ZNF521: variants seen among roughly 807,000 people sequenced by gnomAD.
ZNF521 encodes zinc finger protein 521.
In ZNF521, 14 loss-of-function variants were observed where a neutral mutation model predicts 105.5. That is an observed-to-expected ratio of 0.13 (90% CI 0.09 to 0.21). The LOEUF is 0.21. Ranked by LOEUF, ZNF521 falls within the 10% of genes least tolerant of loss-of-function variation. ZNF521 has a pLI of 1.00. For missense variants in ZNF521, 1,233 were observed against 1,629.7 expected (o/e 0.76, Z 4.19); for synonymous variants, 635 against 606.0 (o/e 1.05, Z -0.70).
chr18:25,190,950 T>A (rs1057257004), intron 5 of ZNF521, among the ~76,000 whole-genome samples: 1 of 152,244 alleles, frequency 6.6e-6, no homozygotes, highest in Non-Finnish European at 1.5e-5. Context: ...AAAAAGTCAG[T>A]ATTTTTGCAT....
intron 4 of ZNF521, among the ~76,000 whole-genome samples, chr18:25,222,035 T>C (rs140506389): frequency 2.7e-3 from 411 of 152,232 alleles, no homozygotes; most frequent in African/African-American, 9.6e-3. Context: ...TTGAACAAAT[T>C]AGTGAACTTT....
At chr18:25,072,459 A>T (rs1214821567) in intron 7 of ZNF521, among the ~76,000 whole-genome samples, 1 of 152,172 alleles carries the variant, frequency 6.6e-6, no homozygotes, top group Non-Finnish European at 1.5e-5. Flanking sequence ...TCTGTTGTGC[A>T]TACCTGACAA....
intron 3 of ZNF521, among the ~76,000 whole-genome samples, chr18:25,239,298 T>C (rs1907140956): frequency 6.6e-6 from 1 of 152,194 alleles, no homozygotes; most frequent in South Asian, 2.1e-4. Context: ...AGAGTGACCA[T>C]TTTAAAGAGT....
intron 3 of ZNF521, among the ~76,000 whole-genome samples, chr18:25,251,779 A>T (rs1418468676): frequency 6.6e-6 from 1 of 152,216 alleles, no homozygotes; most frequent in Non-Finnish European, 1.5e-5. Context: ...AAATATTTTG[A>T]TTTTGAACCT....
chr18:25,132,294 AACTT>A (rs1304290896), intron 5 of ZNF521, among the ~76,000 whole-genome samples: 1 of 152,174 alleles, frequency 6.6e-6, no homozygotes, highest in Admixed American at 6.5e-5. Context: ...AGTGTTTTAT[AACTT>A]CTAACTTTTT....
At chr18:25,167,179 A>G (rs2035358487) in intron 5 of ZNF521, among the ~76,000 whole-genome samples, 1 of 152,190 alleles carries the variant, frequency 6.6e-6, no homozygotes, top group African/African-American at 2.4e-5. Flanking sequence ...TGGTGCCATG[A>G]AAGTTCACCT....
At chr18:25,151,016 T>C (rs933936446) in intron 5 of ZNF521, among the ~76,000 whole-genome samples, 5 of 151,192 alleles carry the variant, frequency 3.3e-5, no homozygotes, top group Non-Finnish European at 7.4e-5. Flanking sequence ...AGCCCCCGAG[T>C]AGCTGGGAAG....
At chr18:25,235,234 A>G (rs1906807781) in intron 3 of ZNF521, among the ~76,000 whole-genome samples, 1 of 152,204 alleles carries the variant, frequency 6.6e-6, no homozygotes, top group Admixed American at 6.5e-5. Flanking sequence ...GGCCAATTCT[A>G]TTTCACTTCA....
chr18:25,091,706 T>G (rs1414255699), intron 6 of ZNF521, among the ~76,000 whole-genome samples: 2 of 152,114 alleles, frequency 1.3e-5, no homozygotes, highest in East Asian at 3.8e-4. Context: ...AATGGAAAAG[T>G]GCAAACTTCT....
intron 7 of ZNF521, among the ~76,000 whole-genome samples, chr18:25,066,632 G>T (rs2033068276): frequency 1.3e-5 from 2 of 152,138 alleles, no homozygotes; most frequent in Admixed American, 1.3e-4. Context: ...AAGTGGGAAG[G>T]ATAAAAAAGT....
intron 7 of ZNF521, among the ~76,000 whole-genome samples, chr18:25,077,689 T>C (rs2033395406): frequency 6.6e-6 from 1 of 152,210 alleles, no homozygotes; most frequent in South Asian, 2.1e-4. Context: ...ACTGTTCGGC[T>C]ACAGTCCAGA....
chr18:25,139,512 T>C (rs2034807342), intron 5 of ZNF521, among the ~76,000 whole-genome samples: 3 of 151,744 alleles, frequency 2.0e-5, no homozygotes, highest in Admixed American at 1.3e-4. Context: ...TCCACAGCCC[T>C]TGGGAAAGGT....
At chr18:25,268,556 A>T (rs1332332248) in intron 3 of ZNF521, among the ~76,000 whole-genome samples, 1 of 152,270 alleles carries the variant, frequency 6.6e-6, no homozygotes, top group African/African-American at 2.4e-5. Flanking sequence ...CACAAAGGGA[A>T]GCCCATCAGA....
chr18:25,205,141 T>TAAAAAAAAAAAAAAAAA (rs34563599), intron 4 of ZNF521, among the ~76,000 whole-genome samples: 3 of 74,914 alleles, frequency 4.0e-5, no homozygotes, highest in African/African-American at 1.9e-4. Flanking sequence ...GTAGTGAAGG[T>TAAAAAAAAAAAAAAAAA]AAAAAAAAAA....
intron 5 of ZNF521, among the ~76,000 whole-genome samples, chr18:25,182,526 C>T (rs1182121063): frequency 6.6e-6 from 1 of 152,154 alleles, no homozygotes; most frequent in African/African-American, 2.4e-5. Context: ...CTTCCCTTTT[C>T]CTTCATGTAT....
intron 7 of ZNF521, among the ~76,000 whole-genome samples, chr18:25,063,649 G>A (rs985158988): frequency 2.6e-5 from 4 of 152,136 alleles, no homozygotes; most frequent in Non-Finnish European, 5.9e-5. Flanking sequence ...CAGTTTGCTA[G>A]TTGCTGTAAA....
intron 2 of ZNF521, chr18:25,345,409 T>C (rs987805329): frequency 1.3e-4 from 20 of 152,254 alleles, no homozygotes; most frequent in African/African-American, 4.8e-4. Context: ...CTTGCTAATC[T>C]CAAATCCCTT....
chr18:25,167,005 T>C (rs2035354255), intron 5 of ZNF521, among the ~76,000 whole-genome samples: 1 of 152,210 alleles, frequency 6.6e-6, no homozygotes, highest in Non-Finnish European at 1.5e-5. Flanking sequence ...CTTTATATAT[T>C]TCTCATCACT....
chr18:25,157,943 G>A (rs113970593), intron 5 of ZNF521, among the ~76,000 whole-genome samples: 28 of 152,010 alleles, frequency 1.8e-4, no homozygotes, highest in African/African-American at 6.0e-4. Flanking sequence ...TAGTAGAGAC[G>A]GGGTTTCACT....
Sources: allele counts gnomAD v4.1 joint callset (sites outside exome capture counted in the v4.1 genomes callset), GRCh38; gene constraint gnomAD v4.1.1; transcripts MANE v1.5; gene names NCBI Gene and HGNC (gene_info 2026-07-23, HGNC 2026-07-21).